LEO1: variants seen among roughly 807,000 people sequenced by gnomAD.
LEO1 encodes the protein LEO1 component of Paf1/RNA polymerase II complex.
LEO1 carries 34 observed loss-of-function variants against 80.4 expected under a neutral mutation model. That is an observed-to-expected ratio of 0.42 (90% CI 0.32 to 0.56). LEO1 has a LOEUF of 0.56. Ranked by LOEUF, LEO1 falls within the 20% of genes least tolerant of loss-of-function variation. The pLI, the probability that LEO1 is intolerant of heterozygous loss-of-function variation, is 0.10. For synonymous variants in LEO1, 262 were observed against 274.9 expected (o/e 0.95, Z 0.46); for missense variants, 631 against 814.2 (o/e 0.77, Z 2.74).
intron 6 of LEO1, among the ~76,000 whole-genome samples, chr15:51,956,840 G>C (rs1042206280): frequency 1.3e-5 from 2 of 151,822 alleles, no homozygotes; most frequent in Non-Finnish European, 2.9e-5. Context: ...TTTTTTTTGG[G>C]GGGGAGACAG....
Position 51,952,712 on chromosome 15 carries a change from G to T in LEO1, c.1475+417C>A, listed in dbSNP as rs1034105106. On this transcript the variant is annotated intron_variant, in intron 8 of 11. Coordinates refer to ENST00000299601, the MANE Select transcript of LEO1 (RefSeq NM_138792.4). Reference sequence around the variant, plus strand: ...TGCCGGGGCCTACGGCACTGAGATGGCCCGTCTCACACTGACCAACTTGCT... The same window carrying T: ...TGCCGGGGCCTACGGCACTGAGATGTCCCGTCTCACACTGACCAACTTGCT... 1.1e-4 allele frequency among the ~76,000 whole-genome samples: 16 copies of T among 152,268 alleles called. 1 individual carries two copies. In the East Asian group the frequency reaches 3.1e-3, roughly 29 times the overall value.
Position 51,949,965 on chromosome 15 carries a change from T to G in LEO1, c.1641A>C (p.Ile547=), listed in dbSNP as rs763538478. The change falls in exon 10 of 12, where the codon ATA becomes ATC. Residue 547 remains isoleucine (I), a synonymous_variant. Coordinates refer to ENST00000299601, the MANE Select transcript of LEO1 (RefSeq NM_138792.4). ...KKEEERLRAS[I]RRESQQRRMR... ...TTCGGCGCTGCTGAGATTCCCTACG[T>G]ATGGAAGCCCTCAAACGTTCTTCTT... 5 of 1,613,532 alleles carry G rather than the reference T, an allele frequency of 3.1e-6. No individual in the cohort carries two copies. The highest frequency in any genetic ancestry group is 4.2e-6 in the Non-Finnish European group (5 of 1,179,926).
intron 2 of LEO1, among the ~76,000 whole-genome samples, 184 bp downstream of exon 2, chr15:51,965,565 G>A (rs1210313618): frequency 6.6e-6 from 1 of 152,088 alleles, no homozygotes; most frequent in Non-Finnish European, 1.5e-5. Context: ...AAAGGAGTAA[G>A]AAAGAATAAG....
chr15:51,968,539 A>AGT (rs1266692135), intron 1 of LEO1, among the ~76,000 whole-genome samples: 3 of 151,902 alleles, frequency 2.0e-5, no homozygotes, highest in Non-Finnish European at 4.4e-5. Context: ...AAAAAAAAAA[A>AGT]GTAAGTGAAG....
At chr15:51,964,067 G>A (rs534882426) in intron 2 of LEO1, among the ~76,000 whole-genome samples, 70 of 151,866 alleles carry the variant, frequency 4.6e-4, no homozygotes, top group Non-Finnish European at 2.9e-4. Context: ...TTAGCCGGGC[G>A]TGGTGGCGGG....
intron 3 of LEO1, among the ~76,000 whole-genome samples, chr15:51,961,352 A>AGGT (rs367548538): frequency 0.029 from 4,114 of 139,926 alleles, 139 homozygotes; most frequent in African/African-American, 0.083. Flanking sequence ...TTATAATACC[A>AGGT]GGTGGTGGTG....
At chr15:51,948,285 CAT>C (rs1056206184) in intron 10 of LEO1, among the ~76,000 whole-genome samples, 4 of 152,224 alleles carry the variant, frequency 2.6e-5, no homozygotes, top group South Asian at 2.1e-4. Flanking sequence ...CTACTAGACT[CAT>C]GTGCTAGATT....
chr15:51,939,897 C>T (rs1288602900), intron 11 of LEO1, among the ~76,000 whole-genome samples: 1 of 152,150 alleles, frequency 6.6e-6, no homozygotes, highest in African/African-American at 2.4e-5. Flanking sequence ...CCAAAGAAGT[C>T]TCACTGGCAC....
intron 11 of LEO1, among the ~76,000 whole-genome samples, chr15:51,944,544 A>C (rs1169558797): frequency 9.9e-5 from 15 of 152,168 alleles, no homozygotes; most frequent in Non-Finnish European, 2.2e-4. Flanking sequence ...AATTATTTAT[A>C]ATTTTTAATT....
chr15:51,967,162 G>A (rs756083095), intron 1 of LEO1, among the ~76,000 whole-genome samples: 15 of 152,050 alleles, frequency 9.9e-5, no homozygotes, highest in Admixed American at 6.6e-4. Flanking sequence ...AGAGAAATGA[G>A]CAGAAAAAGA....
Position 51,954,548 on chromosome 15 carries a change from G to A in LEO1, c.1273C>T (p.Arg425Cys), listed in dbSNP as rs369921772. Residue 425 changes from arginine to cysteine, a missense_variant, in exon 7 of 12, where the codon CGC (arginine) becomes TGC (cysteine). Physicochemically the swap from Arg to Cys is radical, Grantham distance 180 (BLOSUM62 -3). Transcript: ENST00000299601. ...ATTTCATTTCCTTCTTCATCTCGGC[G>A]TATCCTCCATCTTATAGTATTTTCT... ...KVENTIRWRI[R>C]RDEEGNEIKE... 3.0e-5 allele frequency: 48 copies of A among 1,611,598 alleles called. No individual in the cohort carries two copies. The highest frequency in any genetic ancestry group is 8.3e-5 in the Admixed American group (5 of 59,962).
chr15:51,966,854 T>C (rs1330854830), intron 1 of LEO1, among the ~76,000 whole-genome samples: 1 of 151,614 alleles, frequency 6.6e-6, no homozygotes, highest in East Asian at 1.9e-4. Flanking sequence ...GAAGTTGCAG[T>C]GAGCGGAGAT....
At position 51,962,383 on chromosome 15, in the gene LEO1, G is replaced by A; in HGVS notation, c.919+6C>T. On this transcript the variant is annotated splice_donor_region_variant and intron_variant, in intron 3 of 11. Coordinates refer to ENST00000299601, the MANE Select transcript of LEO1 (RefSeq NM_138792.4). ...AATATACATATATATATAATAATAG[G>A]GATACCTTTTGGCACCTCAGTGTCA... 4 of 1,553,136 alleles carry A rather than the reference G, an allele frequency of 2.6e-6. No individual in the cohort carries two copies. The highest frequency in any genetic ancestry group is 3.5e-6 in the Non-Finnish European group (4 of 1,127,640).
chr15:51,959,540 A>C (rs2057014311), intron 5 of LEO1, among the ~76,000 whole-genome samples: 1 of 152,184 alleles, frequency 6.6e-6, no homozygotes, highest in African/African-American at 2.4e-5. Flanking sequence ...GTCCAAAACC[A>C]TTACCTTTTC....
intron 3 of LEO1, among the ~76,000 whole-genome samples, 157 bp from the exon 4 acceptor site, chr15:51,960,890 G>A (rs974424805): frequency 6.6e-6 from 1 of 152,206 alleles, no homozygotes; most frequent in Non-Finnish European, 1.5e-5. Flanking sequence ...CAACCAGAGA[G>A]TGTGGGGAGA....
chr15:51,954,078 G>A (rs1349326331), intron 7 of LEO1, among the ~76,000 whole-genome samples: 6 of 151,802 alleles, frequency 4.0e-5, no homozygotes, highest in Non-Finnish European at 8.8e-5. Flanking sequence ...GATTACAGGC[G>A]TCCGCCATCA....
At chr15:51,944,670 C>T (rs1394644149) in intron 11 of LEO1, among the ~76,000 whole-genome samples, 1 of 152,130 alleles carries the variant, frequency 6.6e-6, no homozygotes, top group Non-Finnish European at 1.5e-5. Flanking sequence ...AAATGGTCAA[C>T]AGTCTGTTTC....
In LEO1 at chr15:51,965,986, TCTC is replaced by T. The variant is rs1419947650; in HGVS notation, c.574_576del (p.Glu192del). On this transcript the variant is annotated inframe_deletion, in exon 2 of 12. Transcript: ENST00000299601. ...CTCTCATCATCGGAAAGCTGAGGCC[TCTC>T]CTCATCATCTGTGTTCTGCATTTTC... The T allele has an allele frequency of 1.9e-6, 3 of 1,614,148 alleles. No individual in the cohort carries two copies. Among genetic ancestry groups the T allele is most frequent in the South Asian group, 1.1e-5 (1 of 91,074 alleles).
chr15:51,964,317 G>T (rs939225184), intron 2 of LEO1, among the ~76,000 whole-genome samples: 28 of 151,878 alleles, frequency 1.8e-4, no homozygotes, highest in Non-Finnish European at 3.5e-4. Flanking sequence ...ACCAAACACC[G>T]CATGTTCTCA....
Sources: allele counts gnomAD v4.1 joint callset (sites outside exome capture counted in the v4.1 genomes callset), GRCh38; gene constraint gnomAD v4.1.1; transcripts MANE v1.5; gene names NCBI Gene and HGNC (gene_info 2026-07-23, HGNC 2026-07-21).